TM9SF4: variants seen among roughly 807,000 people sequenced by gnomAD.
TM9SF4 encodes transmembrane 9 superfamily member 4.
A neutral mutation model predicts 90.4 loss-of-function variants in TM9SF4; 26 were observed. That is an observed-to-expected ratio of 0.29 (90% CI 0.21 to 0.40). TM9SF4 has a LOEUF of 0.40. TM9SF4 is among the 10% of genes least tolerant of loss of function. TM9SF4 has a pLI of 1.00. For synonymous variants in TM9SF4, 293 were observed against 315.4 expected (o/e 0.93, Z 0.75); for missense variants, 549 against 834.8 (o/e 0.66, Z 4.22).
Position 32,122,149 on chromosome 20 carries a change from C to CG in TM9SF4, c.16-10856dup, listed in dbSNP as rs1264101075. 8.1e-4 allele frequency among the ~76,000 whole-genome samples: 90 copies of CG among 111,532 alleles called. 1 individual carries two copies. The highest frequency in any genetic ancestry group is 7.3e-3 in the East Asian group (24 of 3,296). 73.2% of individuals were successfully genotyped at this position (111,532 alleles called of 152,430 possible). Reference sequence around the variant, plus strand: ...CTCCCAGACGGGGCAGCTGGCCGGGCGGGGGGGGTGACCCCCCCACCTCCC... The same window carrying CG: ...CTCCCAGACGGGGCAGCTGGCCGGGCGGGGGGGGGTGACCCCCCCACCTCCC... On this transcript the variant is annotated intron_variant, in intron 1 of 17. Transcript: ENST00000398022.
chr20:32,153,894 G>C (rs538740673), intron 12 of TM9SF4, among the ~76,000 whole-genome samples: 4 of 152,210 alleles, frequency 2.6e-5, no homozygotes, highest in Non-Finnish European at 5.9e-5. Context: ...GACTGCCTGC[G>C]TTTATACCTC....
intron 1 of TM9SF4, among the ~76,000 whole-genome samples, chr20:32,123,282 A>G (rs887260445): frequency 2.1e-5 from 3 of 144,224 alleles, no homozygotes; most frequent in African/African-American, 7.6e-5. Context: ...GCAGTACTTC[A>G]GTAACAGTTC....
At chr20:32,141,356 G>A in intron 3 of TM9SF4, 141 bp from the exon 4 acceptor site, 1 of 962,140 alleles carries the variant, frequency 1.0e-6, no homozygotes, top group Non-Finnish European at 1.5e-6. Context: ...GCAATGGGAA[G>A]GGCATTGGCT....
Position 32,133,052 on chromosome 20 carries a change from T to G in TM9SF4, c.55T>G (p.Cys19Gly). The change falls in exon 2 of 18, where the codon TGT (cysteine) becomes GGT (glycine). Residue 19 changes from cysteine (C) to glycine (G), a missense_variant. Cys to Gly is a radical substitution (Grantham distance 159). Coordinates refer to ENST00000398022, the MANE Select transcript of TM9SF4 (RefSeq NM_014742.4). ...GTCTTTACTGCTTTTCTCCCTGATG[T>G]GTGAAACAAGCGCCTTCTATGTGCC... ...PWSLLLFSLM[C>G]ETSAFYVPGV... 6.2e-7 allele frequency: 1 copy of G among 1,614,184 alleles called. No individual in the cohort carries two copies.
chr20:32,162,823 T>G (rs1187128244), intron 17 of TM9SF4, among the ~76,000 whole-genome samples: 11 of 151,664 alleles, frequency 7.3e-5, no homozygotes, highest in Admixed American at 7.2e-4. Flanking sequence ...ATAACTCTCA[T>G]AAGTGGCAAG....
intron 1 of TM9SF4, among the ~76,000 whole-genome samples, chr20:32,124,677 C>T (rs2046393365): frequency 6.6e-6 from 1 of 152,074 alleles, no homozygotes. Flanking sequence ...ACCTCTGCCT[C>T]CCAGGTTCAA....
intron 1 of TM9SF4, among the ~76,000 whole-genome samples, chr20:32,118,746 C>A (rs1009760253): frequency 6.6e-6 from 1 of 152,052 alleles, no homozygotes; most frequent in African/African-American, 2.4e-5. Flanking sequence ...AGTGATCCTC[C>A]CACCTCAGCC....
intron 1 of TM9SF4, among the ~76,000 whole-genome samples, chr20:32,122,595 A>C (rs2046340832): frequency 6.9e-6 from 1 of 145,902 alleles, no homozygotes; most frequent in African/African-American, 2.6e-5. Flanking sequence ...GACGCTCCTC[A>C]CTTCCTAGAT....
chr20:32,161,231 G>T (rs73906762), intron 16 of TM9SF4, 45 bp from the exon 17 acceptor site: 2 of 1,565,950 alleles, frequency 1.3e-6, no homozygotes, highest in Non-Finnish European at 1.8e-6. Context: ...GTAGGAAGGG[G>T]TTCTGCCCCA....
At chr20:32,144,872 C>T (rs570350617) in intron 6 of TM9SF4, among the ~76,000 whole-genome samples, 7 of 152,218 alleles carry the variant, frequency 4.6e-5, no homozygotes, top group Admixed American at 2.0e-4. Flanking sequence ...ATGATTGTGC[C>T]ATTGTCTGCG....
At chr20:32,140,695 G>T (rs752730855) in intron 3 of TM9SF4, among the ~76,000 whole-genome samples, 18 of 152,174 alleles carry the variant, frequency 1.2e-4, no homozygotes, top group Non-Finnish European at 2.2e-4. Flanking sequence ...GAGATGGAGT[G>T]ACTTACCAAG....
chr20:32,122,379 G>T (rs2046333613), intron 1 of TM9SF4, among the ~76,000 whole-genome samples: 1 of 151,266 alleles, frequency 6.6e-6, no homozygotes, highest in Non-Finnish European at 1.5e-5. Context: ...CGGGGTGGCT[G>T]CCGGGCGGAG....
intron 9 of TM9SF4, among the ~76,000 whole-genome samples, chr20:32,149,251 A>G (rs900516094): frequency 4.6e-5 from 7 of 152,148 alleles, no homozygotes; most frequent in Middle Eastern, 3.2e-3. Context: ...TACATACCAA[A>G]TTATTTTTAC....
intron 1 of TM9SF4, 62 bp from the exon 2 acceptor site, chr20:32,132,951 T>C (rs1353957105): frequency 1.4e-6 from 2 of 1,472,606 alleles, no homozygotes; most frequent in African/African-American, 2.8e-5. Context: ...TGACTTGATC[T>C]GCCTCAGAGG....
chr20:32,159,364 C>G (rs1382137395), intron 15 of TM9SF4: 1 of 152,688 alleles, frequency 6.5e-6, no homozygotes, highest in Non-Finnish European at 1.5e-5. Flanking sequence ...AGCTCGGGGC[C>G]CAGCACAGAT....
In TM9SF4 at chr20:32,155,045, G is replaced by A. The variant is rs141452736; in HGVS notation, c.1246-58G>A. 2.0e-3 allele frequency: 2,898 copies of A among 1,458,920 alleles called. 18 individuals carry two copies. Among genetic ancestry groups the A allele is most frequent in the South Asian group, 9.9e-3 (875 of 88,026 alleles). The allele number at this position is 1,458,920 out of a possible 1,614,324, so 90.4% of individuals were successfully genotyped here. On this transcript the variant is annotated intron_variant, in intron 12 of 17. Coordinates refer to ENST00000398022, the MANE Select transcript of TM9SF4 (RefSeq NM_014742.4). Reference sequence around the variant, plus strand: ...GAGCTTCTGGTCTGGGGGCCCCACCGGGACAGGTAGGGGAGGTCCCTGGAT... The same window carrying A: ...GAGCTTCTGGTCTGGGGGCCCCACCAGGACAGGTAGGGGAGGTCCCTGGAT...
intron 10 of TM9SF4, among the ~76,000 whole-genome samples, chr20:32,150,366 C>G (rs745890682): frequency 2.0e-5 from 3 of 152,190 alleles, no homozygotes; most frequent in Non-Finnish European, 4.4e-5. Context: ...CTCTGTGGAC[C>G]GAAAGCTGCG....
At chr20:32,132,148 A>C (rs1414025518) in intron 1 of TM9SF4, among the ~76,000 whole-genome samples, 1 of 152,196 alleles carries the variant, frequency 6.6e-6, no homozygotes, top group Admixed American at 6.5e-5. Flanking sequence ...TCACACTTGT[A>C]ATCTCGGCAC....
At chr20:32,161,072 T>C (rs892571467) in intron 16 of TM9SF4, 6 of 516,868 alleles carry the variant, frequency 1.2e-5, no homozygotes, top group African/African-American at 1.9e-5. Flanking sequence ...AACTGTAAAG[T>C]TCACCCTTCT....
Sources: allele counts gnomAD v4.1 joint callset (sites outside exome capture counted in the v4.1 genomes callset), GRCh38; gene constraint gnomAD v4.1.1; transcripts MANE v1.5; gene names NCBI Gene and HGNC (gene_info 2026-07-23, HGNC 2026-07-21).